Variants in GRM7 observed in about 807,000 individuals in gnomAD.
GRM7 encodes the protein metabotropic glutamate receptor 7.
GRM7 carries 35 observed loss-of-function variants against 84.5 expected under a neutral mutation model. That is an observed-to-expected ratio of 0.41 (90% CI 0.32 to 0.55). GRM7 has a LOEUF of 0.55. Among genes scored for constraint, GRM7 ranks in the 20% least tolerant of loss-of-function variants. The probability of loss-of-function intolerance (pLI) is 0.19; values close to 1 mark genes in which losing one functional copy is unlikely to be tolerated. For missense variants in GRM7, 1,003 were observed against 1,194.6 expected (o/e 0.84, Z 2.36); for synonymous variants, 487 against 455.1 (o/e 1.07, Z -0.89).
chr3:7,605,922 G>A (rs1174358538), intron 8 of GRM7, among the ~76,000 whole-genome samples: 7 of 152,094 alleles, frequency 4.6e-5, no homozygotes, highest in Non-Finnish European at 1.0e-4. Context: ...GGGCTTCTCC[G>A]TGTTCCAATA....
chr3:7,672,991 A>C (rs2125133910), intron 8 of GRM7, among the ~76,000 whole-genome samples: 1 of 152,312 alleles, frequency 6.6e-6, no homozygotes, highest in African/African-American at 2.4e-5. Flanking sequence ...GAAGAAAATC[A>C]TTTTAAAATG....
intron 8 of GRM7, chr3:7,606,871 T>A (rs918938602): frequency 6.6e-5 from 10 of 152,174 alleles, no homozygotes; most frequent in Admixed American, 6.5e-4. Context: ...ATGATGTCAA[T>A]GTAAAGCATT....
At chr3:7,592,064 C>T (rs1259749670) in intron 8 of GRM7, among the ~76,000 whole-genome samples, 1 of 151,952 alleles carries the variant, frequency 6.6e-6, no homozygotes, top group East Asian at 1.9e-4. Context: ...TGAGTTAATT[C>T]ATTCTGTATG....
intron 2 of GRM7, among the ~76,000 whole-genome samples, chr3:7,192,376 TC>T (rs1366683231): frequency 1.3e-5 from 2 of 152,122 alleles, no homozygotes; most frequent in African/African-American, 4.8e-5. Flanking sequence ...ATTGGCCTCC[TC>T]TCCAATTCTC....
intron 1 of GRM7, among the ~76,000 whole-genome samples, chr3:6,962,769 C>T (rs761642766): frequency 5.9e-5 from 9 of 152,216 alleles, no homozygotes; most frequent in Middle Eastern, 3.4e-3. Flanking sequence ...TGAATTTTAC[C>T]ACCAAAGCAG....
intron 1 of GRM7, among the ~76,000 whole-genome samples, chr3:7,012,035 AG>A (rs138256106): frequency 0.11 from 17,103 of 152,208 alleles, 1,270 homozygotes; most frequent in East Asian, 0.29. Context: ...AATCAGATTA[AG>A]CCTGCCTCTG....
At chr3:7,262,406 G>T (rs1698466523) in intron 2 of GRM7, among the ~76,000 whole-genome samples, 1 of 152,074 alleles carries the variant, frequency 6.6e-6, no homozygotes, top group African/African-American at 2.4e-5. Flanking sequence ...TAATACTTGT[G>T]ATTGCATTAT....
chr3:6,995,149 C>A (rs1338385466), intron 1 of GRM7, among the ~76,000 whole-genome samples: 1 of 152,180 alleles, frequency 6.6e-6, no homozygotes, highest in African/African-American at 2.4e-5. Context: ...TCTTTCTCAG[C>A]CAATCTATTT....
intron 2 of GRM7, among the ~76,000 whole-genome samples, chr3:7,287,274 A>G (rs1198360298): frequency 6.6e-6 from 1 of 152,120 alleles, no homozygotes; most frequent in African/African-American, 2.4e-5. Context: ...CCCTTTTGTG[A>G]CTTGACTTCT....
At chr3:6,963,957 C>T (rs1213384489) in intron 1 of GRM7, among the ~76,000 whole-genome samples, 1 of 152,176 alleles carries the variant, frequency 6.6e-6, no homozygotes, top group Non-Finnish European at 1.5e-5. Context: ...CTTCAAGCTA[C>T]TGCCTTCATT....
At chr3:7,290,869 G>A (rs79021052) in intron 2 of GRM7, among the ~76,000 whole-genome samples, 1,619 of 152,180 alleles carry the variant, frequency 0.011, 41 homozygotes, top group African/African-American at 0.035. Context: ...ATGTGTCAAA[G>A]ATCACGCAGA....
intron 1 of GRM7, among the ~76,000 whole-genome samples, chr3:6,892,021 G>A (rs112623928): frequency 6.6e-6 from 1 of 151,988 alleles, no homozygotes; most frequent in African/African-American, 2.4e-5. Context: ...CCAGTTGGTT[G>A]CATCGGCTCC....
chr3:7,430,715 C>G (rs1240336223), intron 5 of GRM7, among the ~76,000 whole-genome samples: 2 of 152,134 alleles, frequency 1.3e-5, no homozygotes, highest in African/African-American at 4.8e-5. Context: ...ATTGGCCTCT[C>G]TTGTTTCTGC....
At chr3:7,720,908 G>T (rs1701924191) in intron 9 of GRM7, among the ~76,000 whole-genome samples, 1 of 152,162 alleles carries the variant, frequency 6.6e-6, no homozygotes. Flanking sequence ...ATCTGAAATT[G>T]CACTGGATGT....
At chr3:7,713,887 C>T (rs1222002676) in intron 9 of GRM7, among the ~76,000 whole-genome samples, 1 of 137,698 alleles carries the variant, frequency 7.3e-6, no homozygotes, top group Admixed American at 8.0e-5. Context: ...AGTGGAAACA[C>T]ACATTTAGTT....
intron 5 of GRM7, 114 bp from the exon 6 acceptor site, chr3:7,452,493 C>T (rs1243800392): frequency 2.7e-5 from 20 of 742,566 alleles, no homozygotes; most frequent in Admixed American, 1.5e-4. Context: ...TTTATCGAAG[C>T]AGTGTTTTCT....
chr3:6,992,081 G>A (rs888959894), intron 1 of GRM7, among the ~76,000 whole-genome samples: 13 of 152,192 alleles, frequency 8.5e-5, no homozygotes, highest in East Asian at 5.8e-4. Context: ...AAAGGCAGAA[G>A]TGGAAAGAGA....
chr3:7,319,898 C>G (rs1700713078), intron 4 of GRM7, among the ~76,000 whole-genome samples: 1 of 151,922 alleles, frequency 6.6e-6, no homozygotes, highest in Admixed American at 6.6e-5. Context: ...AAATGTACCA[C>G]TCAATGGCAT....
intron 8 of GRM7, among the ~76,000 whole-genome samples, chr3:7,658,140 G>A (rs140678667): frequency 1.3e-5 from 2 of 152,310 alleles, no homozygotes; most frequent in East Asian, 1.9e-4. Context: ...ATGGGGATGT[G>A]TGTATACATC....
Sources: allele counts gnomAD v4.1 joint callset (sites outside exome capture counted in the v4.1 genomes callset), GRCh38; gene constraint gnomAD v4.1.1; transcripts MANE v1.5; gene names NCBI Gene and HGNC (gene_info 2026-07-23, HGNC 2026-07-21).